The following MCOLN3 variants were observed in gnomAD, a reference collection of about 807,000 sequenced individuals.
MCOLN3 encodes the protein mucolipin TRP cation channel 3.
A neutral mutation model predicts 69.4 loss-of-function variants in MCOLN3; 62 were observed. The ratio of observed to expected loss-of-function variants is 0.89; its 90% CI spans 0.73 to 1.10. MCOLN3 has a LOEUF of 1.10. Ranked by LOEUF, MCOLN3 falls within the 50% of genes least tolerant of loss-of-function variation. The pLI is 0.00. For synonymous variants in MCOLN3, 183 were observed against 217.0 expected (o/e 0.84, Z 1.38); for missense variants, 564 against 656.4 (o/e 0.86, Z 1.54).
intron 7 of MCOLN3, among the ~76,000 whole-genome samples, chr1:85,028,626 A>G (rs1205166042): frequency 1.3e-5 from 2 of 152,154 alleles, no homozygotes; most frequent in Non-Finnish European, 2.9e-5. Flanking sequence ...CTTTCAGTAC[A>G]CTTTTAAATG....
At chr1:85,040,943 T>A in intron 3 of MCOLN3, 67 bp downstream of exon 3, 1 of 1,506,276 alleles carries the variant, frequency 6.6e-7, no homozygotes. Flanking sequence ...GTTTCTATTA[T>A]GTACATTGCC....
intron 2 of MCOLN3, 102 bp from the exon 3 acceptor site, chr1:85,041,279 T>C: frequency 1.1e-6 from 1 of 926,094 alleles, no homozygotes; most frequent in Non-Finnish European, 1.5e-6. Context: ...GAGTTTAAAA[T>C]GAATTCTCTG....
intron 7 of MCOLN3, among the ~76,000 whole-genome samples, chr1:85,028,609 C>T (rs763292856): frequency 2.0e-5 from 3 of 152,180 alleles, no homozygotes; most frequent in Non-Finnish European, 4.4e-5. Context: ...AGAGTAGATC[C>T]TTTCCTCTTT....
rs369334547 is a variant in MCOLN3, at chr1:85,037,840, C to A, written c.396+3170G>T. On this transcript the variant is annotated intron_variant, in intron 3 of 12. Coordinates refer to ENST00000370589, the MANE Select transcript of MCOLN3 (RefSeq NM_018298.11). The stretch of plus-strand genomic sequence containing the variant: ...CCAAGTGGCTGAGGCCTTGGAGGAG[C>A]TTTAATTAGTCTGGGCATCCGTCCC... Among the ~76,000 whole-genome samples the A allele has an allele frequency of 9.8e-4, 149 of 152,284 alleles. 1 individual carries two copies. Among genetic ancestry groups the A allele is most frequent in the African/African-American group, 3.5e-3 (147 of 41,560 alleles).
chr1:85,029,030 C>A, intron 7 of MCOLN3, 76 bp downstream of exon 7: 2 of 916,478 alleles, frequency 2.2e-6, no homozygotes, highest in South Asian at 1.5e-5. Flanking sequence ...TTCTAGATAT[C>A]CAGAGGGTGC....
chr1:85,029,052 C>A (rs539492503), intron 7 of MCOLN3, 54 bp downstream of exon 7: 4 of 1,178,186 alleles, frequency 3.4e-6, no homozygotes, highest in African/African-American at 1.5e-5. Context: ...ATTTTAATAA[C>A]CATTTTACAT....
At chr1:85,021,376 C>T in intron 11 of MCOLN3, 100 bp from the exon 12 acceptor site, 1 of 933,048 alleles carries the variant, frequency 1.1e-6, no homozygotes, top group East Asian at 2.5e-5. Context: ...ACCAGATAAC[C>T]CAAGCTACCA....
At chr1:85,040,177 G>T (rs1652991904) in intron 3 of MCOLN3, among the ~76,000 whole-genome samples, 1 of 152,058 alleles carries the variant, frequency 6.6e-6, no homozygotes, top group African/African-American at 2.4e-5. Flanking sequence ...TATTACTTTA[G>T]ATTTCTGGCT....
intron 3 of MCOLN3, among the ~76,000 whole-genome samples, chr1:85,040,252 G>T (rs571580387): frequency 6.6e-6 from 1 of 152,100 alleles, no homozygotes; most frequent in Admixed American, 6.6e-5. Flanking sequence ...TATCCTAGCA[G>T]TTTACATCTT....
In MCOLN3 at chr1:85,045,372, A is replaced by G; in HGVS notation, c.-2-10T>C. 1.3e-6 allele frequency: 2 copies of G among 1,589,438 alleles called. No individual in the cohort carries two copies. Among genetic ancestry groups the G allele is most frequent in the Non-Finnish European group, 1.7e-6 (2 of 1,164,558 alleles). ...TCAGGATCTGCCATCTCTAGAGGAA[A>G]AAAACAACAACAACAACAACCAACA... On this transcript the variant is annotated splice_polypyrimidine_tract_variant and intron_variant, in intron 1 of 12. Coordinates refer to ENST00000370589, the MANE Select transcript of MCOLN3 (RefSeq NM_018298.11).
At chr1:85,030,591 A>T (rs1167675404) in intron 6 of MCOLN3, among the ~76,000 whole-genome samples, 1 of 152,226 alleles carries the variant, frequency 6.6e-6, no homozygotes, top group African/African-American at 2.4e-5. Context: ...ATAAATATCA[A>T]ATATAATGAC....
At chr1:85,025,906 C>T (rs375358193) in intron 9 of MCOLN3, 33 bp downstream of exon 9, 62 of 1,561,208 alleles carry the variant, frequency 4.0e-5, no homozygotes, top group Admixed American at 1.4e-4. Context: ...GCAAATCTGA[C>T]ACTAACAATA....
chr1:85,025,983 A>G lies in MCOLN3; in HGVS notation c.1051T>C (p.Leu351=), dbSNP rs1310834952. Residue 351 remains leucine (L), a synonymous_variant, in exon 9 of 13, where the codon TTG becomes CTG. Transcript: ENST00000370589. The stretch of plus-strand genomic sequence containing the variant: ...TTTAGAATTGATCCAATGATTGTCA[A>G]TATGTCACTAATAATAATCATAATG... ...WYIMIIISDI[L]TIIGSILKME... is the part of the protein sequence containing the mutation. 2 of 1,598,942 alleles carry G rather than the reference A, an allele frequency of 1.3e-6. No individual in the cohort carries two copies. Among genetic ancestry groups the G allele is most frequent in the Non-Finnish European group, 8.5e-7 (1 of 1,172,594 alleles).
chr1:85,041,211 G>A (rs753258090), intron 2 of MCOLN3, 34 bp from the exon 3 acceptor site: 2 of 1,577,894 alleles, frequency 1.3e-6, no homozygotes, highest in East Asian at 4.5e-5. Flanking sequence ...TAAGAGGGTG[G>A]AAAATGTGGG....
intron 6 of MCOLN3, among the ~76,000 whole-genome samples, chr1:85,030,814 C>A (rs2102927558): frequency 6.6e-6 from 1 of 152,190 alleles, no homozygotes; most frequent in South Asian, 2.1e-4. Context: ...AAGCTAGAAG[C>A]AACATCTTTA....
intron 12 of MCOLN3, 96 bp from the exon 13 acceptor site, chr1:85,019,353 T>C: frequency 1.7e-6 from 2 of 1,207,366 alleles, no homozygotes; most frequent in Non-Finnish European, 2.4e-6. Flanking sequence ...GGGAGGGGGT[T>C]TTCTAGAGAG....
In MCOLN3 at chr1:85,029,124, A is replaced by G; in HGVS notation, c.814T>C (p.Trp272Arg). ...CACTTACTTGATCCAGATACATGCC[A>G]GTCTTTACATTCTCTGATGGAAATG... is the stretch of plus-strand genomic sequence containing the variant. The part of the protein sequence containing the change: ...NDISIRECKD[W>R]HVSGSIQKNT... The change falls in exon 7 of 13, where the codon TGG (tryptophan) becomes CGG (arginine). Residue 272 changes from tryptophan to arginine, a missense_variant. Physicochemically the swap from Trp to Arg is moderately radical, Grantham distance 101. Coordinates refer to ENST00000370589, the MANE Select transcript of MCOLN3 (RefSeq NM_018298.11). 6.3e-7 allele frequency: 1 copy of G among 1,592,492 alleles called. No individual in the cohort carries two copies. The highest frequency in any genetic ancestry group is 8.6e-7 in the Non-Finnish European group (1 of 1,160,366).
chr1:85,034,058 G>A (rs1284395846), intron 4 of MCOLN3, 40 bp downstream of exon 4: 3 of 1,586,692 alleles, frequency 1.9e-6, no homozygotes, highest in South Asian at 1.1e-5. Flanking sequence ...ATAAATTGAG[G>A]TGTTAAAAAT....
chr1:85,032,437 C>T (rs910054004), intron 6 of MCOLN3, among the ~76,000 whole-genome samples: 5 of 152,074 alleles, frequency 3.3e-5, no homozygotes, highest in African/African-American at 4.8e-5. Context: ...AGGCACTGTT[C>T]GTGGTACTGG....
Sources: gnomAD v4.1 joint callset for allele counts (sites outside exome capture counted in the v4.1 genomes callset) on GRCh38, gnomAD v4.1.1 for gene constraint, MANE v1.5 for transcripts, NCBI Gene and HGNC (gene_info 2026-07-23, HGNC 2026-07-21) for gene names.